The following PVT1 variants were observed in gnomAD, a reference collection of about 807,000 sequenced individuals.
The protein encoded by PVT1 is CXCR4/PVT1 fusion.
chr8:127,834,745 CA>C (rs1397065290), intron 2 of PVT1, among the ~76,000 whole-genome samples: 3 of 151,918 alleles, frequency 2.0e-5, no homozygotes, highest in Admixed American at 2.0e-4. Context: ...AACAAACAAA[CA>C]AAAACCCCAT....
In PVT1 at chr8:127,997,044, G is replaced by GTTTTTTTTTTT. The variant is rs1293036762; in HGVS notation, n.912+7755_912+7765dup. Reference sequence around the variant, plus strand: ...GAACATTCACTGGTCATTTGCTTTCGTTTTTTTTTTTTGTTTGTTTGTTTT... The same window carrying GTTTTTTTTTTT: ...GAACATTCACTGGTCATTTGCTTTCGTTTTTTTTTTTTTTTTTTTTTTTGTTTGTTTGTTTT... On this transcript the variant is annotated intron_variant and non_coding_transcript_variant, in intron 4 of 10. Coordinates refer to ENST00000651587, the Ensembl canonical transcript of PVT1. 1.2e-4 allele frequency among the ~76,000 whole-genome samples: 10 copies of GTTTTTTTTTTT among 81,588 alleles called. 3 individuals are homozygous for GTTTTTTTTTTT. The highest frequency in any genetic ancestry group is 3.3e-4 in the Admixed American group (2 of 6,052). The allele number at this position is 81,588 out of a possible 152,430, so 53.5% of individuals were successfully genotyped here.
intron 2 of PVT1, among the ~76,000 whole-genome samples, chr8:127,847,877 G>A (rs1319337092): frequency 6.6e-6 from 1 of 152,062 alleles, no homozygotes; most frequent in East Asian, 1.9e-4. Flanking sequence ...GGGGAGACTG[G>A]GTTAGGGAGG....
At chr8:127,853,445 T>C (rs1425242717) in intron 2 of PVT1, among the ~76,000 whole-genome samples, 1 of 152,108 alleles carries the variant, frequency 6.6e-6, no homozygotes, top group African/African-American at 2.4e-5. Flanking sequence ...GGGTGTGGTG[T>C]GACCTGAATG....
chr8:127,966,117 T>A (rs1267133619), intron 3 of PVT1, among the ~76,000 whole-genome samples: 2 of 152,220 alleles, frequency 1.3e-5, no homozygotes, highest in African/African-American at 4.8e-5. Context: ...TGGATCAATG[T>A]AGCTGATGGT....
chr8:127,803,776 A>C (rs1304994154), intron 2 of PVT1, among the ~76,000 whole-genome samples: 7 of 148,874 alleles, frequency 4.7e-5, no homozygotes. Flanking sequence ...GCTGGAGTGC[A>C]GTGGTGAGAT....
chr8:128,007,972 A>G (rs1817266635), intron 4 of PVT1, among the ~76,000 whole-genome samples: 1 of 152,174 alleles, frequency 6.6e-6, no homozygotes, highest in South Asian at 2.1e-4. Flanking sequence ...GACTCATCTT[A>G]CCTTTGTCTG....
intron 3 of PVT1, among the ~76,000 whole-genome samples, chr8:127,969,670 C>T (rs1224452943): frequency 2.0e-5 from 3 of 152,136 alleles, no homozygotes; most frequent in Non-Finnish European, 4.4e-5. Flanking sequence ...TCAGCCCTTC[C>T]TGGGTACAGT....
chr8:128,021,354 C>T (rs924564781), intron 4 of PVT1, among the ~76,000 whole-genome samples: 5 of 127,646 alleles, frequency 3.9e-5, no homozygotes, highest in Middle Eastern at 6.0e-3. Context: ...AGCACGGTGG[C>T]GCAATCTTGG....
intron 2 of PVT1, among the ~76,000 whole-genome samples, chr8:127,866,621 G>A (rs1815288907): frequency 6.6e-6 from 1 of 152,174 alleles, no homozygotes; most frequent in South Asian, 2.1e-4. Context: ...GAGATGGAGA[G>A]AGGAACCTGC....
intron 4 of PVT1, among the ~76,000 whole-genome samples, chr8:128,020,158 T>C (rs1019790240): frequency 2.6e-5 from 4 of 152,200 alleles, no homozygotes; most frequent in Admixed American, 2.6e-4. Flanking sequence ...ACCTGTTTCC[T>C]GTGGAGAAGC....
chr8:127,836,557 G>A (rs750233311), intron 2 of PVT1, among the ~76,000 whole-genome samples: 1 of 152,156 alleles, frequency 6.6e-6, no homozygotes, highest in Non-Finnish European at 1.5e-5. Context: ...GGAAGAAAAT[G>A]GAATGTCCTT....
At chr8:127,879,914 C>T (rs1198816092) in intron 2 of PVT1, among the ~76,000 whole-genome samples, 2 of 152,228 alleles carry the variant, frequency 1.3e-5, no homozygotes, top group African/African-American at 2.4e-5. Context: ...TGCAGGTCTT[C>T]GCTGGGTGAT....
intron 4 of PVT1, among the ~76,000 whole-genome samples, chr8:128,069,882 A>G (rs1414972719): frequency 6.6e-6 from 1 of 151,964 alleles, no homozygotes; most frequent in Non-Finnish European, 1.5e-5. Flanking sequence ...TGTCATTATT[A>G]TCATCATCAT....
intron 3 of PVT1, among the ~76,000 whole-genome samples, chr8:127,945,767 C>T (rs999053336): frequency 6.6e-6 from 1 of 152,190 alleles, no homozygotes; most frequent in Non-Finnish European, 1.5e-5. Context: ...AAAATAATCA[C>T]ATCCCACTGT....
intron 3 of PVT1, among the ~76,000 whole-genome samples, chr8:127,915,632 A>AAAAG (rs1317439486): frequency 6.6e-6 from 1 of 151,654 alleles, no homozygotes; most frequent in African/African-American, 2.4e-5. Context: ...AAAAAAAAAA[A>AAAAG]AAAGAGGATA....
intron 2 of PVT1, among the ~76,000 whole-genome samples, chr8:127,862,846 A>G (rs1013765086): frequency 6.6e-6 from 1 of 151,930 alleles, no homozygotes; most frequent in Non-Finnish European, 1.5e-5. Context: ...GGTGTTAGCA[A>G]TTTTTTTCTC....
intron 4 of PVT1, among the ~76,000 whole-genome samples, chr8:128,033,172 G>A (rs1257621189): frequency 6.6e-6 from 1 of 152,242 alleles, no homozygotes; most frequent in Non-Finnish European, 1.5e-5. Context: ...GCACCTAGCA[G>A]TGACTGAATA....
intron 4 of PVT1, among the ~76,000 whole-genome samples, chr8:128,006,118 T>G (rs1345880347): frequency 1.8e-4 from 23 of 124,324 alleles, no homozygotes; most frequent in African/African-American, 6.8e-4. Context: ...ATAATAATAA[T>G]AATAATAATA....
intron 2 of PVT1, among the ~76,000 whole-genome samples, chr8:127,879,079 A>G (rs550727606): frequency 3.9e-5 from 6 of 152,346 alleles, no homozygotes; most frequent in African/African-American, 1.2e-4. Flanking sequence ...CTGGCAGTAG[A>G]TGATATTGAT....
Sources: allele counts gnomAD v4.1 joint callset (sites outside exome capture counted in the v4.1 genomes callset), GRCh38; gene constraint gnomAD v4.1.1; transcripts MANE v1.5; gene names NCBI Gene and HGNC (gene_info 2026-07-23, HGNC 2026-07-21).